The following ATP6V1A variants were observed in gnomAD, a reference collection of about 807,000 sequenced individuals.
ATP6V1A encodes the protein ATPase H+ transporting V1 subunit A.
In ATP6V1A, 18 loss-of-function variants were observed where a neutral mutation model predicts 70.1. That is an observed-to-expected ratio of 0.26 (90% confidence interval 0.18 to 0.38). The LOEUF (loss-of-function observed/expected upper bound fraction) is 0.38, where lower values mean the gene tolerates loss of function less well. Among genes scored for constraint, ATP6V1A ranks in the 10% least tolerant of loss-of-function variants. The pLI is 1.00. For synonymous variants in ATP6V1A, 232 were observed against 253.8 expected, an observed-to-expected ratio of 0.91 and a Z score of 0.82; for missense variants, 424 against 772.4, an observed-to-expected ratio of 0.55 and a Z score of 5.35.
intron 1 of ATP6V1A, among the ~76,000 whole-genome samples, chr3:113,759,851 A>G (rs963565024): frequency 2.0e-5 from 3 of 152,234 alleles, no homozygotes; most frequent in African/African-American, 4.8e-5. Flanking sequence ...GTAATTGCCT[A>G]CTATGTGCCA....
chr3:113,768,179 C>T (rs939795518), intron 1 of ATP6V1A, among the ~76,000 whole-genome samples: 1 of 152,074 alleles, frequency 6.6e-6, no homozygotes, highest in Non-Finnish European at 1.5e-5. Flanking sequence ...ATAAGTTTTT[C>T]CTGATTGTTA....
intron 1 of ATP6V1A, among the ~76,000 whole-genome samples, chr3:113,762,798 A>T (rs928680623): frequency 3.3e-5 from 5 of 152,160 alleles, no homozygotes; most frequent in African/African-American, 1.2e-4. Flanking sequence ...AGGATTTCAG[A>T]TAAATTAATA....
At chr3:113,786,057 T>TA (rs63484660) in intron 5 of ATP6V1A, among the ~76,000 whole-genome samples, 175 bp from the exon 6 acceptor site, 2,248 of 132,970 alleles carry the variant, frequency 0.017, 54 homozygotes, top group Admixed American at 0.043. Flanking sequence ...TGCACCAGGT[T>TA]AAAAAAAAAA....
intron 1 of ATP6V1A, among the ~76,000 whole-genome samples, chr3:113,769,502 A>T (rs866584902): frequency 1.3e-5 from 2 of 152,210 alleles, no homozygotes; most frequent in African/African-American, 4.8e-5. Flanking sequence ...TTTGTATGTG[A>T]GTAAATATTA....
rs78479584 is a variant in ATP6V1A, at chr3:113,804,656, C to T, written c.1590-698C>T. 5.3e-3 allele frequency among the ~76,000 whole-genome samples: 814 copies of T among 152,290 alleles called. 6 individuals carry two copies. The highest frequency in any genetic ancestry group is 7.8e-3 in the Non-Finnish European group (530 of 68,020). ...TATATCAGTAAGCCCCAGAAATCTGCTCTACTGGGAACTTAACGAAGCTTC... is the reference window on the plus strand; with the variant it reads ...TATATCAGTAAGCCCCAGAAATCTGTTCTACTGGGAACTTAACGAAGCTTC... On this transcript the variant is annotated intron_variant, in intron 13 of 14. Coordinates refer to ENST00000273398, the MANE Select transcript of ATP6V1A (RefSeq NM_001690.4).
chr3:113,751,302 A>C (rs9288982), intron 1 of ATP6V1A, among the ~76,000 whole-genome samples: 43,024 of 151,754 alleles, frequency 0.28, 6,812 homozygotes, highest in East Asian at 0.36. Context: ...TCTTAAATTC[A>C]TGATTCACAA....
chr3:113,798,913 T>G (rs1013878593), intron 12 of ATP6V1A, among the ~76,000 whole-genome samples: 2 of 152,244 alleles, frequency 1.3e-5, no homozygotes, highest in Admixed American at 1.3e-4. Flanking sequence ...TATGCAATGC[T>G]AGTTAGTACT....
At chr3:113,754,542 G>GA (rs908193715) in intron 1 of ATP6V1A, among the ~76,000 whole-genome samples, 61 of 140,684 alleles carry the variant, frequency 4.3e-4, no homozygotes, top group African/African-American at 5.0e-4. Context: ...TCAAAAGTAA[G>GA]AAAAAAAAAA....
rs188723797 is a variant in ATP6V1A at position 113,807,994 on chromosome 3, A to G, written c.1762-1341A>G. 2.7e-3 allele frequency among the ~76,000 whole-genome samples: 416 copies of G among 151,962 alleles called. 3 individuals are homozygous for G. The highest frequency in any genetic ancestry group is 4.6e-3 in the Non-Finnish European group (312 of 67,954). On this transcript the variant is annotated intron_variant, in intron 14 of 14. Transcript: ENST00000273398. ...AAAAATACAGAATTAGCTGGGCGTG[A>G]TGGTGCATGCCTGTAATCCCAGCTA...
rs749171534 is a variant in ATP6V1A, at chr3:113,784,257, C to G, written c.245C>G (p.Thr82Ser). ...TCTGTTGGAGATCCTGTACTTCGCA[C>G]TGGTAAACCCCTCTCTGTAGAGCTT... ...GVSVGDPVLR[T>S]GKPLSVELGP... is the part of the protein sequence containing the mutation. Residue 82 changes from threonine to serine, a missense_variant, in exon 4 of 15, where the codon ACT becomes AGT. Physicochemically the swap from Thr to Ser is moderately conservative, Grantham distance 58 (BLOSUM62 1). This residue lies in a region of ATP6V1A where 139 missense variants were observed against 163.5 expected (regional missense o/e 0.85). Transcript: ENST00000273398. 26 of 1,614,062 alleles carry G rather than the reference C, an allele frequency of 1.6e-5. No homozygotes were observed.
At chr3:113,769,154 G>A (rs1428047334) in intron 1 of ATP6V1A, among the ~76,000 whole-genome samples, 1 of 152,180 alleles carries the variant, frequency 6.6e-6, no homozygotes, top group Non-Finnish European at 1.5e-5. Flanking sequence ...TGGATTGAAG[G>A]AGATGAATAG....
intron 1 of ATP6V1A, among the ~76,000 whole-genome samples, chr3:113,766,937 A>G (rs899022755): frequency 6.6e-6 from 1 of 152,174 alleles, no homozygotes; most frequent in African/African-American, 2.4e-5. Context: ...AAATCTGGGC[A>G]TCATCACTCT....
intron 6 of ATP6V1A, 37 bp from the exon 7 acceptor site, chr3:113,788,676 C>T (rs1218332879): frequency 6.3e-7 from 1 of 1,593,050 alleles, no homozygotes; most frequent in African/African-American, 1.4e-5. Flanking sequence ...TATCTATTAG[C>T]AAGTCAAGTA....
Position 113,763,118 on chromosome 3 carries a change from TC to T in ATP6V1A, c.-13-15622del, listed in dbSNP as rs1708725158. 2.0e-5 allele frequency among the ~76,000 whole-genome samples: 3 copies of T among 151,978 alleles called. No individual in the cohort carries two copies. The South Asian group carries it at 6.2e-4, about 32-fold the overall frequency. Reference sequence around the variant, plus strand: ...TTATTCTTTTTTTTTTGAGGCAGAGTCTCGCTCTGTCACCTAGGCTGTGGAG... The same window carrying T: ...TTATTCTTTTTTTTTTGAGGCAGAGTTCGCTCTGTCACCTAGGCTGTGGAG... On this transcript the variant is annotated intron_variant, in intron 1 of 14. Transcript: ENST00000273398.
At chr3:113,808,047 T>G (rs1430515992) in intron 14 of ATP6V1A, among the ~76,000 whole-genome samples, 1 of 151,410 alleles carries the variant, frequency 6.6e-6, no homozygotes, top group Non-Finnish European at 1.5e-5. Context: ...GGAGAATCAC[T>G]TAAGCCCGGG....
Position 113,778,724 on chromosome 3 carries a change from T to C in ATP6V1A, c.-13-17T>C. The stretch of plus-strand genomic sequence containing the variant: ...CGGTTTATAATTATAACTTATTTAT[T>C]TATTTATTTACTATAGGTAAACTAA... On this transcript the variant is annotated splice_polypyrimidine_tract_variant and intron_variant, in intron 1 of 14. Transcript: ENST00000273398. 7.1e-7 allele frequency: 1 copy of C among 1,414,170 alleles called. No homozygotes were observed. Among genetic ancestry groups the C allele is most frequent in the Non-Finnish European group, 9.6e-7 (1 of 1,045,400 alleles). The allele number at this position is 1,414,170 out of a possible 1,614,324, so 87.6% of individuals were successfully genotyped here.
In ATP6V1A at chr3:113,810,731, C is replaced by G. The variant is rs1052298329; in HGVS notation, c.*1304C>G. 1.3e-5 allele frequency: 2 copies of G among 152,204 alleles called. No homozygotes were observed. Among genetic ancestry groups the G allele is most frequent in the African/African-American group, 4.8e-5 (2 of 41,456 alleles). The allele number at this position is 152,204 out of a possible 1,614,324, so 9.4% of individuals were successfully genotyped here. ...AGGACCAGCTGGGCTGTAGTGATTC[C>G]TGGGGCCAGAGTGGCATTATGTTTT... On this transcript the variant is annotated 3_prime_UTR_variant, in exon 15 of 15. Transcript: ENST00000273398.
At chr3:113,798,959 A>T (rs1016827406) in intron 12 of ATP6V1A, among the ~76,000 whole-genome samples, 13 of 152,222 alleles carry the variant, frequency 8.5e-5, no homozygotes, top group Non-Finnish European at 1.6e-4. Flanking sequence ...TTTTTATTAC[A>T]TGTTACAAAG....
chr3:113,755,047 G>GT (rs1162406200), intron 1 of ATP6V1A, among the ~76,000 whole-genome samples: 3 of 151,864 alleles, frequency 2.0e-5, no homozygotes, highest in East Asian at 3.9e-4. Context: ...GCTGTCCAAA[G>GT]TTTTTTTTAC....
Sources: gnomAD v4.1 joint callset for allele counts (sites outside exome capture counted in the v4.1 genomes callset) on GRCh38, gnomAD v4.1.1 for gene constraint, gnomAD v4.1.1 regional missense constraint, MANE v1.5 for transcripts, NCBI Gene and HGNC (gene_info 2026-07-23, HGNC 2026-07-21) for gene names.